Variants in MAPRE2 observed in about 807,000 individuals in gnomAD.
MAPRE2 encodes the protein microtubule-associated protein RP/EB family member 2.
Under a neutral mutation model 43.2 loss-of-function variants are expected in MAPRE2, and 13 were observed. That is an observed-to-expected ratio of 0.30 (90% CI 0.20 to 0.48). The LOEUF is 0.48. Ranked by LOEUF, MAPRE2 falls within the 20% of genes least tolerant of loss-of-function variation. The pLI, the probability that MAPRE2 is intolerant of heterozygous loss-of-function variation, is 0.99. For synonymous variants in MAPRE2, 135 were observed against 148.8 expected, an observed-to-expected ratio of 0.91 and a Z score of 0.68; for missense variants, 161 against 400.2, an observed-to-expected ratio of 0.40 and a Z score of 5.10.
chr18:35,036,042 C>T (rs2097050391), intron 2 of MAPRE2, among the ~76,000 whole-genome samples: 2 of 150,980 alleles, frequency 1.3e-5, no homozygotes, highest in South Asian at 4.3e-4. Flanking sequence ...TCTAGAGGTA[C>T]TTCTCTATGT....
chr18:34,996,879 A>G (rs72950545), intron 1 of MAPRE2, among the ~76,000 whole-genome samples: 4,281 of 152,328 alleles, frequency 0.028, 105 homozygotes, highest in Non-Finnish European at 0.036. Context: ...GAATAGATCC[A>G]TGAGAAAAGC....
At chr18:35,089,230 G>A (rs181411745) in intron 2 of MAPRE2, among the ~76,000 whole-genome samples, 2 of 152,186 alleles carry the variant, frequency 1.3e-5, no homozygotes, top group East Asian at 1.9e-4. Context: ...GGTATAAATC[G>A]TCATGACCTT....
chr18:35,089,771 G>T (rs1230722200), intron 2 of MAPRE2, among the ~76,000 whole-genome samples: 1 of 152,176 alleles, frequency 6.6e-6, no homozygotes, highest in Non-Finnish European at 1.5e-5. Context: ...ACATGACCCA[G>T]CAATTCCAAT....
intron 2 of MAPRE2, among the ~76,000 whole-genome samples, chr18:35,077,342 A>G (rs1161139715): frequency 2.6e-5 from 4 of 152,078 alleles, no homozygotes; most frequent in Non-Finnish European, 5.9e-5. Flanking sequence ...TTTTCCCCAT[A>G]TGTGAGAAAT....
At chr18:35,127,768 G>A (rs562541554) in intron 5 of MAPRE2, among the ~76,000 whole-genome samples, 1 of 152,308 alleles carries the variant, frequency 6.6e-6, no homozygotes, top group Admixed American at 6.5e-5. Flanking sequence ...CCACAATTGT[G>A]TTTTAAGTAG....
chr18:35,014,767 C>T (rs1465535432), intron 2 of MAPRE2, among the ~76,000 whole-genome samples: 1 of 152,060 alleles, frequency 6.6e-6, no homozygotes, highest in African/African-American at 2.4e-5. Flanking sequence ...CATCCCCCCT[C>T]ACAAACTTGT....
intron 1 of MAPRE2, chr18:34,978,662 G>A: frequency 2.3e-6 from 2 of 858,078 alleles, no homozygotes; most frequent in South Asian, 2.9e-5. Context: ...GAAATGAAAT[G>A]CTTCCTTACT....
At chr18:35,052,132 CAG>C (rs1905968518) in intron 1 of MAPRE2, among the ~76,000 whole-genome samples, 1 of 152,078 alleles carries the variant, frequency 6.6e-6, no homozygotes, top group South Asian at 2.1e-4. Context: ...GTGTCTGAGT[CAG>C]AGTTTTGGCA....
chr18:35,040,117 T>A (rs1418077575), upstream of MAPRE2, among the ~76,000 whole-genome samples: 1 of 152,150 alleles, frequency 6.6e-6, no homozygotes, highest in Admixed American at 6.5e-5. Flanking sequence ...GCAGGAGAAT[T>A]ACTAGAACCC....
At chr18:34,978,404 T>G (rs2097014341) in intron 1 of MAPRE2, 2 of 949,476 alleles carry the variant, frequency 2.1e-6, no homozygotes, top group Admixed American at 4.1e-5. Context: ...AGGCGGAGGT[T>G]CGGTCCCAGC....
At chr18:34,977,412 G>A (rs920183530) in intron 1 of MAPRE2, among the ~76,000 whole-genome samples, 1 of 152,234 alleles carries the variant, frequency 6.6e-6, no homozygotes, top group African/African-American at 2.4e-5. Context: ...TCTGAGGGGT[G>A]AGGCTGGGGC....
At chr18:35,078,392 A>G (rs1296944575) in intron 2 of MAPRE2, among the ~76,000 whole-genome samples, 1 of 152,208 alleles carries the variant, frequency 6.6e-6, no homozygotes, top group Non-Finnish European at 1.5e-5. Context: ...AGTTTTATAC[A>G]TTAGGGGTAT....
intron 2 of MAPRE2, among the ~76,000 whole-genome samples, chr18:35,096,885 C>G (rs1296230990): frequency 6.6e-6 from 1 of 151,690 alleles, no homozygotes; most frequent in African/African-American, 2.4e-5. Context: ...GTAGTTTTCA[C>G]CTGTGTGGGG....
At chr18:35,116,547 C>A (rs1050774204) in intron 4 of MAPRE2, among the ~76,000 whole-genome samples, 1 of 152,262 alleles carries the variant, frequency 6.6e-6, no homozygotes, top group African/African-American at 2.4e-5. Flanking sequence ...TTTCCAAGCC[C>A]CCTCAAGTTG....
chr18:35,138,109 C>T (rs902253211), intron 6 of MAPRE2, among the ~76,000 whole-genome samples: 1 of 152,138 alleles, frequency 6.6e-6, no homozygotes, highest in African/African-American at 2.4e-5. Flanking sequence ...CTGAGAGGAC[C>T]AGCCTCACAT....
chr18:35,031,752 C>A (rs1240981424), intron 2 of MAPRE2, among the ~76,000 whole-genome samples: 1 of 152,088 alleles, frequency 6.6e-6, no homozygotes, highest in Non-Finnish European at 1.5e-5. Flanking sequence ...AAAAATTCTG[C>A]CTTTTGAGCA....
intron 6 of MAPRE2, 87 bp from the exon 7 acceptor site, chr18:35,140,208 C>A: frequency 8.3e-7 from 1 of 1,209,728 alleles, no homozygotes; most frequent in Non-Finnish European, 1.2e-6. Context: ...CCTTGAGACG[C>A]CATGCTGGCA....
At chr18:34,978,344 C>A (rs2097014308) in intron 1 of MAPRE2, 2 of 674,968 alleles carry the variant, frequency 3.0e-6, no homozygotes, top group South Asian at 1.7e-5. Flanking sequence ...CGCACCGAAA[C>A]GGAAGAACTT....
chr18:34,986,972 T>C (rs1450131271), intron 1 of MAPRE2, among the ~76,000 whole-genome samples: 2 of 152,140 alleles, frequency 1.3e-5, no homozygotes, highest in Non-Finnish European at 2.9e-5. Context: ...CTGTAAAAGA[T>C]CTGAGGTTAT....
Sources: gnomAD v4.1 joint callset for allele counts (sites outside exome capture counted in the v4.1 genomes callset) on GRCh38, gnomAD v4.1.1 for gene constraint, MANE v1.5 for transcripts, NCBI Gene and HGNC (gene_info 2026-07-23, HGNC 2026-07-21) for gene names.